Variants in HACE1 observed in about 807,000 individuals in gnomAD.
HACE1 encodes HECT domain and ankyrin repeat containing E3 ubiquitin protein ligase 1.
A neutral mutation model predicts 118.4 loss-of-function variants in HACE1; 73 were observed. The observed-to-expected ratio is 0.62, with a 90% CI of 0.51 to 0.75. The LOEUF (loss-of-function observed/expected upper bound fraction) is 0.75, where lower values mean the gene tolerates loss of function less well. Among genes scored for constraint, HACE1 ranks in the 30% least tolerant of loss-of-function variants. HACE1 has a pLI of 0.00. For synonymous variants in HACE1, 368 were observed against 374.8 expected (o/e 0.98, Z 0.21); for missense variants, 749 against 1,102.2 (o/e 0.68, Z 4.54).
At chr6:104,780,306 C>G (rs1744494095) in intron 14 of HACE1, 1 of 438,154 alleles carries the variant, frequency 2.3e-6, no homozygotes, top group African/African-American at 2.0e-5. Context: ...ATACAAACAC[C>G]TACACAGCCA....
chr6:104,784,579 C>T (rs1582453793), intron 12 of HACE1, 94 bp from the exon 13 acceptor site: 2 of 799,450 alleles, frequency 2.5e-6, no homozygotes, highest in East Asian at 5.2e-5. Flanking sequence ...GGACTGGCTT[C>T]TAAACCAAAA....
chr6:104,842,313 A>C (rs1413009738), intron 5 of HACE1: 8 of 152,372 alleles, frequency 5.3e-5, no homozygotes, highest in African/African-American at 1.7e-4. Flanking sequence ...TCTCTAAAAA[A>C]AGGTTTTATT....
intron 19 of HACE1, among the ~76,000 whole-genome samples, chr6:104,764,915 T>TTG (rs1412903809): frequency 2.0e-5 from 3 of 152,216 alleles, no homozygotes; most frequent in African/African-American, 4.8e-5. Flanking sequence ...GCATGCACAA[T>TTG]TGTGTCTTTA....
intron 4 of HACE1, among the ~76,000 whole-genome samples, chr6:104,846,203 GAAT>G (rs1775655611): frequency 1.3e-5 from 2 of 152,122 alleles, no homozygotes; most frequent in Non-Finnish European, 1.5e-5. Context: ...TCCAGGGTCT[GAAT>G]AAGTCAAATC....
chr6:104,852,372 CT>C lies in HACE1; in HGVS notation c.77-2del. 6.6e-7 allele frequency: 1 copy of C among 1,515,480 alleles called. No individual in the cohort carries two copies. Among genetic ancestry groups the C allele is most frequent in the Non-Finnish European group, 9.0e-7 (1 of 1,112,042 alleles). The allele number at this position is 1,515,480 out of a possible 1,614,324, so 93.9% of individuals were successfully genotyped here. A position where few individuals can be genotyped will look rare whatever the true frequency, so the allele number is the denominator to read the frequency against. ...AATGTATAAACAGCAGTTTCATTATCTGAGTAAAAAAAAACAAAGAGTTCAT... is the reference window on the plus strand; with the variant it reads ...AATGTATAAACAGCAGTTTCATTATCGAGTAAAAAAAAACAAAGAGTTCAT... On this transcript the variant is annotated splice_acceptor_variant, in intron 1 of 23. Coordinates refer to ENST00000262903, the MANE Select transcript of HACE1 (RefSeq NM_020771.4). LOFTEE classifies it high-confidence loss of function.
chr6:104,808,176 G>A (rs1771225092), intron 7 of HACE1, among the ~76,000 whole-genome samples: 1 of 151,394 alleles, frequency 6.6e-6, no homozygotes, highest in Non-Finnish European at 1.5e-5. Context: ...ACAGATTGAG[G>A]CTCTGTCTCA....
chr6:104,848,193 C>T (rs1049637134), intron 4 of HACE1, among the ~76,000 whole-genome samples: 3 of 151,138 alleles, frequency 2.0e-5, no homozygotes, highest in Non-Finnish European at 4.4e-5. Context: ...CGGTGGCTCA[C>T]GCCTGTAATC....
rs975014197 is a variant in HACE1, at chr6:104,814,989, T to C, written c.535-3596A>G. ...TAGTTCTTTATATCAGTGTGAAAAA[T>C]TGACTAATATAGAAAATCAGTACCA... On this transcript the variant is annotated intron_variant, in intron 6 of 23. Coordinates refer to ENST00000262903, the MANE Select transcript of HACE1 (RefSeq NM_020771.4). Among the ~76,000 whole-genome samples the C allele has an allele frequency of 2.2e-5, 3 of 137,806 alleles. 1 individual carries two copies. The highest frequency in any genetic ancestry group is 3.1e-5 in the Non-Finnish European group (2 of 64,198). The allele number at this position is 137,806 out of a possible 152,430, so 90.4% of individuals were successfully genotyped here. A position where few individuals can be genotyped will look rare whatever the true frequency, so the allele number is the denominator to read the frequency against.
intron 7 of HACE1, among the ~76,000 whole-genome samples, chr6:104,804,793 C>T (rs1770807765): frequency 6.6e-6 from 1 of 152,196 alleles, no homozygotes; most frequent in Non-Finnish European, 1.5e-5. Context: ...AAGACATAGG[C>T]ATGTGTAAAG....
chr6:104,842,772 T>C (rs1482715354), intron 5 of HACE1, among the ~76,000 whole-genome samples: 1 of 152,098 alleles, frequency 6.6e-6, no homozygotes, highest in African/African-American at 2.4e-5. Context: ...TTAATATAGC[T>C]TAAAACTTTA....
intron 4 of HACE1, among the ~76,000 whole-genome samples, chr6:104,844,669 T>C (rs1232875707): frequency 6.8e-6 from 1 of 147,832 alleles, no homozygotes; most frequent in African/African-American, 2.5e-5. Context: ...AACCTTTTTT[T>C]TTTTTTTTTT....
intron 3 of HACE1, 86 bp downstream of exon 3, chr6:104,850,821 C>T (rs1173690615): frequency 2.3e-6 from 2 of 879,894 alleles, no homozygotes; most frequent in Non-Finnish European, 3.9e-6. Context: ...TCATCTCTCC[C>T]CAGAAATATT....
At chr6:104,819,491 T>C (rs1327028341) in intron 6 of HACE1, among the ~76,000 whole-genome samples, 1 of 152,166 alleles carries the variant, frequency 6.6e-6, no homozygotes, top group Non-Finnish European at 1.5e-5. Context: ...TTCAATGCTA[T>C]TCCTATTAAA....
intron 5 of HACE1, among the ~76,000 whole-genome samples, chr6:104,842,599 A>G (rs1008685090): frequency 1.3e-5 from 2 of 152,152 alleles, no homozygotes; most frequent in African/African-American, 4.8e-5. Context: ...AACATAACGA[A>G]AAACAGCTCT....
At chr6:104,848,010 C>A (rs1020138080) in intron 4 of HACE1, among the ~76,000 whole-genome samples, 1 of 151,662 alleles carries the variant, frequency 6.6e-6, no homozygotes, top group Admixed American at 6.6e-5. Context: ...TGCCACCATG[C>A]CTGGATTATT....
rs1262840351 is a variant in HACE1 at position 104,729,247 on chromosome 6, A to C, written c.*415T>G. ...AATAGTTTTCTAAAATATAAATGGC[A>C]GTTTACATGCAAAAGAACACACCAG... On this transcript the variant is annotated 3_prime_UTR_variant, in exon 24 of 24. Coordinates refer to ENST00000262903, the MANE Select transcript of HACE1 (RefSeq NM_020771.4). 2.2e-5 allele frequency: 4 copies of C among 183,296 alleles called. No homozygotes were observed. The highest frequency in any genetic ancestry group is 7.2e-5 in the African/African-American group (3 of 41,746). The allele number at this position is 183,296 out of a possible 1,614,324, so 11.4% of individuals were successfully genotyped here.
At chr6:104,857,178 CATATATATTTACATATATATTTACAT>C (rs1341260396) in intron 1 of HACE1, among the ~76,000 whole-genome samples, 1 of 146,168 alleles carries the variant, frequency 6.8e-6, no homozygotes, top group Non-Finnish European at 1.5e-5. Flanking sequence ...TATTTATTTA[CATATATATTTACATATATATTTACAT>C]ATATATATAT....
At chr6:104,792,888 T>C (rs2114847431) in intron 10 of HACE1, among the ~76,000 whole-genome samples, 1 of 152,244 alleles carries the variant, frequency 6.6e-6, no homozygotes, top group South Asian at 2.1e-4. Flanking sequence ...ACCCAATAAA[T>C]ACCAAGGGCT....
rs773440121 is a variant in HACE1 at position 104,744,563 on chromosome 6, T to TA, written c.2390dup (p.Asn799LysfsTer9). 1 of 1,607,318 alleles carries TA rather than the reference T, an allele frequency of 6.2e-7. No individual in the cohort carries two copies. The highest frequency in any genetic ancestry group is 8.5e-7 in the Non-Finnish European group (1 of 1,173,906). Reference sequence around the variant, plus strand: ...AGCCACTTGTGTATTCTGTATTTTTTATCCAATCACTCACATCAATTTCTG... The same window carrying TA: ...AGCCACTTGTGTATTCTGTATTTTTTAATCCAATCACTCACATCAATTTCTG... On this transcript the variant is annotated frameshift_variant, in exon 21 of 24. Transcript: ENST00000262903. LOFTEE classifies it high-confidence loss of function.
Sources: gnomAD v4.1 joint callset for allele counts (sites outside exome capture counted in the v4.1 genomes callset) on GRCh38, gnomAD v4.1.1 for gene constraint, MANE v1.5 for transcripts, NCBI Gene and HGNC (gene_info 2026-07-23, HGNC 2026-07-21) for gene names.